Variants in DAPK1 observed in about 807,000 individuals in gnomAD.
DAPK1 encodes the protein death associated protein kinase 1.
A neutral mutation model predicts 144.9 loss-of-function variants in DAPK1; 56 were observed. The ratio of observed to expected loss-of-function variants is 0.39; its 90% CI spans 0.31 to 0.48. The LOEUF (loss-of-function observed/expected upper bound fraction) is 0.48. Ranked by LOEUF, DAPK1 falls within the 20% of genes least tolerant of loss-of-function variation. The pLI, the probability that DAPK1 is intolerant of heterozygous loss-of-function variation, is 0.95. For synonymous variants in DAPK1, 690 were observed against 749.0 expected, an observed-to-expected ratio of 0.92 and a Z score of 1.29; for missense variants, 1,454 against 1,875.4, an observed-to-expected ratio of 0.78 and a Z score of 4.15.
intron 14 of DAPK1, among the ~76,000 whole-genome samples, chr9:87,647,976 C>A (rs543252031): frequency 9.8e-5 from 15 of 152,342 alleles, no homozygotes; most frequent in Non-Finnish European, 1.8e-4. Flanking sequence ...GGAACCTGAA[C>A]CTGGAATTCC....
intron 15 of DAPK1, 48 bp downstream of exon 15, chr9:87,648,927 T>G: frequency 6.7e-7 from 1 of 1,490,684 alleles, no homozygotes; most frequent in Non-Finnish European, 9.4e-7. Context: ...TACATGAATG[T>G]ACAGGCAGCC....
At chr9:87,656,745 G>C (rs1830641322) in intron 17 of DAPK1, among the ~76,000 whole-genome samples, 1 of 152,190 alleles carries the variant, frequency 6.6e-6, no homozygotes, top group Non-Finnish European at 1.5e-5. Flanking sequence ...TTACAGGCAT[G>C]GAAAAGTGTT....
At chr9:87,513,477 G>GT (rs1349656390) in intron 2 of DAPK1, among the ~76,000 whole-genome samples, 1 of 152,228 alleles carries the variant, frequency 6.6e-6, no homozygotes, top group Non-Finnish European at 1.5e-5. Context: ...GGGTATGTAT[G>GT]TATGTCTCTA....
chr9:87,678,530 A>C (rs1321318936), intron 19 of DAPK1, among the ~76,000 whole-genome samples: 5 of 152,244 alleles, frequency 3.3e-5, no homozygotes, highest in African/African-American at 1.2e-4. Context: ...CACTCAGCAA[A>C]GATAAAAGGA....
chr9:87,554,284 A>C (rs1006908860), intron 2 of DAPK1: 4 of 152,188 alleles, frequency 2.6e-5, no homozygotes, highest in African/African-American at 9.6e-5. Flanking sequence ...TATTTCTTGA[A>C]TGCTTTTATA....
At chr9:87,679,818 C>G (rs11141943) in intron 19 of DAPK1, among the ~76,000 whole-genome samples, 3,967 of 152,246 alleles carry the variant, frequency 0.026, 164 homozygotes, top group East Asian at 0.17. Flanking sequence ...TCCCAGCCCC[C>G]TCTGCAGCAT....
chr9:87,661,576 T>G (rs2119236053), intron 18 of DAPK1, among the ~76,000 whole-genome samples: 1 of 152,316 alleles, frequency 6.6e-6, no homozygotes, highest in East Asian at 1.9e-4. Flanking sequence ...TGATGATTGG[T>G]GATGTTGAAC....
chr9:87,592,637 G>T (rs903573305), intron 2 of DAPK1, among the ~76,000 whole-genome samples: 21 of 152,280 alleles, frequency 1.4e-4, no homozygotes, highest in African/African-American at 4.6e-4. Context: ...GGCCGTGGTG[G>T]ATACAGTCTT....
intron 25 of DAPK1, among the ~76,000 whole-genome samples, 159 bp from the exon 26 acceptor site, chr9:87,705,973 T>G (rs2118119082): frequency 6.6e-6 from 1 of 152,240 alleles, no homozygotes; most frequent in Non-Finnish European, 1.5e-5. Context: ...ACTCGGTGTT[T>G]GGTTTTTGAG....
intron 2 of DAPK1, among the ~76,000 whole-genome samples, chr9:87,578,551 A>G (rs1290478860): frequency 6.6e-6 from 1 of 152,230 alleles, no homozygotes; most frequent in Admixed American, 6.5e-5. Flanking sequence ...TTCTCGTTAC[A>G]TGGAGCTAAA....
Position 87,645,961 on chromosome 9 carries a change from C to T in DAPK1, c.1078C>T (p.Leu360=). 6.2e-7 allele frequency: 1 copy of T among 1,614,128 alleles called. No homozygotes were observed. The highest frequency in any genetic ancestry group is 8.5e-7 in the Non-Finnish European group (1 of 1,179,986). The part of the protein sequence containing the change: ...HAINDDNVPG[L]QHLLGSLSNY... Reference sequence around the variant, plus strand: ...CATCAACGATGACAATGTCCCAGGCCTGCAGCACCTTCTGGGCTCATTATC... The same window carrying T: ...CATCAACGATGACAATGTCCCAGGCTTGCAGCACCTTCTGGGCTCATTATC... Residue 360 remains leucine, a synonymous_variant, in exon 12 of 26, where the codon CTG becomes TTG. Coordinates refer to ENST00000408954, the MANE Select transcript of DAPK1 (RefSeq NM_004938.4).
intron 2 of DAPK1, among the ~76,000 whole-genome samples, chr9:87,594,639 C>T (rs1828252598): frequency 6.6e-6 from 1 of 152,220 alleles, no homozygotes. Context: ...AGGTAGCTGT[C>T]ATGGCCAGTA....
chr9:87,498,968 AG>A lies in DAPK1; in HGVS notation c.-108del. The A allele has an allele frequency of 1.3e-6, 1 of 767,476 alleles. No individual in the cohort carries two copies. The highest frequency in any genetic ancestry group is 1.7e-5 in the South Asian group (1 of 58,776). The allele number at this position is 767,476 out of a possible 1,614,324, so 47.5% of individuals were successfully genotyped here. On this transcript the variant is annotated splice_acceptor_variant, in intron 1 of 25. Coordinates refer to ENST00000408954, the MANE Select transcript of DAPK1 (RefSeq NM_004938.4). LOFTEE classifies it low-confidence loss of function (5UTR_SPLICE). ...TTATTGCCTTTTTTTTTTCTTCAAAAGGACTGGAGACTGATGCATGAGGGGG... is the reference window on the plus strand; with the variant it reads ...TTATTGCCTTTTTTTTTTCTTCAAAAGACTGGAGACTGATGCATGAGGGGG...
At chr9:87,539,523 G>A (rs1446797831) in intron 2 of DAPK1, among the ~76,000 whole-genome samples, 1 of 136,098 alleles carries the variant, frequency 7.3e-6, no homozygotes, top group Non-Finnish European at 1.6e-5. Context: ...TCTGCCTTCC[G>A]AGTTCAAGTG....
intron 2 of DAPK1, among the ~76,000 whole-genome samples, chr9:87,577,271 G>A (rs936889343): frequency 1.4e-4 from 22 of 152,080 alleles, no homozygotes; most frequent in Admixed American, 1.4e-3. Flanking sequence ...CAGACATAAC[G>A]GAATTGGAAA....
intron 18 of DAPK1, among the ~76,000 whole-genome samples, chr9:87,661,594 T>C (rs1342253534): frequency 6.6e-6 from 1 of 152,214 alleles, no homozygotes; most frequent in Non-Finnish European, 1.5e-5. Context: ...AACATGCTTT[T>C]CATGTTTGTG....
intron 2 of DAPK1, among the ~76,000 whole-genome samples, chr9:87,530,916 A>AAGG (rs10623872): frequency 0.9 from 136,456 of 151,944 alleles, 61,470 homozygotes; most frequent in African/African-American, 0.97. Context: ...CTCTTCTTCA[A>AAGG]AGATTTTAAG....
chr9:87,574,691 G>A (rs1270073769), intron 2 of DAPK1, among the ~76,000 whole-genome samples: 1 of 152,100 alleles, frequency 6.6e-6, no homozygotes, highest in African/African-American at 2.4e-5. Flanking sequence ...AGGCCAAGGT[G>A]GGCAAATACC....
At chr9:87,518,238 T>C (rs1825153696) in intron 2 of DAPK1, among the ~76,000 whole-genome samples, 1 of 150,874 alleles carries the variant, frequency 6.6e-6, no homozygotes, top group South Asian at 2.1e-4. Flanking sequence ...CAGTCTCCCA[T>C]GTAGCTGGGA....
Sources: allele counts gnomAD v4.1 joint callset (sites outside exome capture counted in the v4.1 genomes callset), GRCh38; gene constraint gnomAD v4.1.1; transcripts MANE v1.5; gene names NCBI Gene and HGNC (gene_info 2026-07-23, HGNC 2026-07-21).